The following PHACTR4 variants were observed in gnomAD, a reference collection of about 807,000 sequenced individuals.
The protein encoded by PHACTR4 is protein phosphatase 1, regulatory subunit 124.
PHACTR4 carries 51 observed loss-of-function variants against 72.7 expected under a neutral mutation model. The observed-to-expected ratio is 0.70, with a 90% CI of 0.56 to 0.89. The LOEUF is 0.89. PHACTR4 is among the 40% of genes least tolerant of loss of function. The pLI is 0.00. For synonymous variants in PHACTR4, 255 were observed against 302.5 expected (o/e 0.84, Z 1.63); for missense variants, 731 against 861.8 (o/e 0.85, Z 1.90).
Position 28,491,208 on chromosome 1 carries a change from T to TA in PHACTR4, c.1878+210dup, listed in dbSNP as rs879678760. On this transcript the variant is annotated intron_variant, in intron 11 of 13. Transcript: ENST00000373839. The stretch of plus-strand genomic sequence containing the variant: ...AAACAGTGAAACCTTGTGTCTACAT[T>TA]AAAAAAAAAAAAAAGAAGAAGAAAG... Among the ~76,000 whole-genome samples the TA allele has an allele frequency of 7.5e-3, 822 of 109,608 alleles. 4 individuals are homozygous for TA. The highest frequency in any genetic ancestry group is 0.028 in the African/African-American group (704 of 24,762). 71.9% of individuals were successfully genotyped at this position (109,608 alleles called of 152,430 possible).
intron 2 of PHACTR4, among the ~76,000 whole-genome samples, chr1:28,451,580 T>C (rs1388645640): frequency 6.6e-6 from 1 of 152,038 alleles, no homozygotes; most frequent in Non-Finnish European, 1.5e-5. Context: ...CCCAGTGTTA[T>C]TGTAGCAGTT....
At position 28,466,501 on chromosome 1, in the gene PHACTR4, G is replaced by A; in HGVS notation, c.556G>A (p.Ala186Thr). The part of the protein sequence containing the change: ...SSSHEASEGQ[A>T]KDATSSGGTA... ...TTCTCATGAAGCAAGTGAAGGGCAAGCAAAGGATGCCACTTCCTCTGGCGG... is the reference window on the plus strand; with the variant it reads ...TTCTCATGAAGCAAGTGAAGGGCAAACAAAGGATGCCACTTCCTCTGGCGG... The change falls in exon 6 of 14, where the codon GCA becomes ACA. Residue 186 changes from alanine (A) to threonine (T), a missense_variant. Coordinates refer to ENST00000373839, the MANE Select transcript of PHACTR4 (RefSeq NM_001048183.3). 1 of 1,614,114 alleles carries A rather than the reference G, an allele frequency of 6.2e-7. No homozygotes were observed. Among genetic ancestry groups the A allele is most frequent in the South Asian group, 1.1e-5 (1 of 91,080 alleles).
Position 28,498,668 on chromosome 1 carries a change from T to A in PHACTR4, c.*2119T>A, listed in dbSNP as rs1489953589. On this transcript the variant is annotated 3_prime_UTR_variant, in exon 14 of 14. Transcript: ENST00000373839. Reference sequence around the variant, plus strand: ...AAGAAGTTGTGGCTATTTCATAGATTTCTTCTGATTTATTCTGTGGGTCCC... The same window carrying A: ...AAGAAGTTGTGGCTATTTCATAGATATCTTCTGATTTATTCTGTGGGTCCC... The A allele has an allele frequency of 2.0e-5, 3 of 152,200 alleles. No individual in the cohort carries two copies. Among genetic ancestry groups the A allele is most frequent in the African/African-American group, 2.4e-5 (1 of 41,450 alleles). The allele number at this position is 152,200 out of a possible 1,614,324, so 9.4% of individuals were successfully genotyped here. A position where few individuals can be genotyped will look rare whatever the true frequency, so the allele number is the denominator to read the frequency against.
At chr1:28,422,893 T>C (rs1405088449) in intron 2 of PHACTR4, among the ~76,000 whole-genome samples, 3 of 152,138 alleles carry the variant, frequency 2.0e-5, no homozygotes, top group Admixed American at 2.0e-4. Context: ...TTCAAGCAAT[T>C]CTCCTGCCTC....
intron 1 of PHACTR4, among the ~76,000 whole-genome samples, chr1:28,374,102 T>G (rs1651462198): frequency 6.6e-6 from 1 of 152,196 alleles, no homozygotes. Context: ...TATTGAACAT[T>G]GGTCCCATTA....
chr1:28,427,074 G>C (rs917022427), intron 2 of PHACTR4, among the ~76,000 whole-genome samples: 4 of 152,158 alleles, frequency 2.6e-5, no homozygotes, highest in African/African-American at 9.7e-5. Context: ...GTGGCTAGTG[G>C]CCACAGTATT....
chr1:28,463,518 C>T (rs1203248536), intron 4 of PHACTR4, among the ~76,000 whole-genome samples: 1 of 152,102 alleles, frequency 6.6e-6, no homozygotes, highest in Non-Finnish European at 1.5e-5. Context: ...CAAAGAGCAG[C>T]CTTTGTTGAC....
intron 2 of PHACTR4, among the ~76,000 whole-genome samples, chr1:28,446,306 T>C (rs1056763207): frequency 7.2e-5 from 11 of 152,166 alleles, no homozygotes; most frequent in African/African-American, 2.7e-4. Flanking sequence ...ATTTTCTAAA[T>C]AGGCCATTAA....
chr1:28,382,563 A>G (rs1026591646), intron 1 of PHACTR4, among the ~76,000 whole-genome samples: 1 of 151,988 alleles, frequency 6.6e-6, no homozygotes, highest in African/African-American at 2.4e-5. Context: ...TCAGCCTCCC[A>G]AAGTGCTGGG....
intron 1 of PHACTR4, among the ~76,000 whole-genome samples, chr1:28,392,808 G>GT (rs1414376861): frequency 6.7e-6 from 1 of 149,904 alleles, no homozygotes; most frequent in Non-Finnish European, 1.5e-5. Flanking sequence ...TTTTTTTTTT[G>GT]TTTTTTATGA....
chr1:28,382,582 C>T (rs1035724790), intron 1 of PHACTR4, among the ~76,000 whole-genome samples: 1 of 152,096 alleles, frequency 6.6e-6, no homozygotes, highest in Non-Finnish European at 1.5e-5. Flanking sequence ...GGACTACAGG[C>T]GTGAGCCACC....
intron 1 of PHACTR4, among the ~76,000 whole-genome samples, chr1:28,403,735 A>G (rs1261577869): frequency 6.6e-6 from 1 of 151,990 alleles, no homozygotes; most frequent in Non-Finnish European, 1.5e-5. Context: ...GTCACTCTGT[A>G]ATCTCCTCCC....
intron 1 of PHACTR4, among the ~76,000 whole-genome samples, chr1:28,399,026 G>A (rs1305795487): frequency 1.3e-5 from 2 of 151,870 alleles, no homozygotes; most frequent in African/African-American, 4.8e-5. Flanking sequence ...AAAGAGGTAG[G>A]AAAGGCTGGG....
In PHACTR4 at chr1:28,406,813, G is replaced by A. The variant is rs559334105; in HGVS notation, c.-38-597G>A. 2.0e-5 allele frequency among the ~76,000 whole-genome samples: 3 copies of A among 152,190 alleles called. No individual in the cohort carries two copies. The South Asian group carries it at 6.2e-4, about 32-fold the overall frequency. The stretch of plus-strand genomic sequence containing the variant: ...TACTTAGTCAACTTTCTTTTGAAAC[G>A]TTTTTTGTTTTATTTTCATACTTGA... On this transcript the variant is annotated intron_variant, in intron 1 of 13. Coordinates refer to ENST00000373839, the MANE Select transcript of PHACTR4 (RefSeq NM_001048183.3).
At chr1:28,495,947 G>A (rs779609969) in intron 13 of PHACTR4, among the ~76,000 whole-genome samples, 1 of 151,786 alleles carries the variant, frequency 6.6e-6, no homozygotes, top group Non-Finnish European at 1.5e-5. Context: ...TATTTAAAGG[G>A]TAGACAGAGG....
intron 2 of PHACTR4, among the ~76,000 whole-genome samples, chr1:28,458,460 T>G (rs1207977999): frequency 6.6e-6 from 1 of 152,136 alleles, no homozygotes; most frequent in Non-Finnish European, 1.5e-5. Context: ...TGATTGTCTC[T>G]AAGGCACTAC....
At chr1:28,429,373 C>T (rs559685540) in intron 2 of PHACTR4, among the ~76,000 whole-genome samples, 38 of 152,190 alleles carry the variant, frequency 2.5e-4, no homozygotes, top group Non-Finnish European at 4.9e-4. Flanking sequence ...CATTTTTTCC[C>T]CACAAAAGCA....
chr1:28,409,124 C>CTTTTT, intron 2 of PHACTR4, among the ~76,000 whole-genome samples: 1 of 133,088 alleles, frequency 7.5e-6, no homozygotes, highest in Non-Finnish European at 1.6e-5. Context: ...TTCTTTCTTT[C>CTTTTT]TTTTTTTTTT....
chr1:28,483,429 TCAGAG>T (rs1557846312), intron 9 of PHACTR4, among the ~76,000 whole-genome samples: 1 of 149,872 alleles, frequency 6.7e-6, no homozygotes, highest in Non-Finnish European at 1.5e-5. Context: ...AGCCCAGTCA[TCAGAG>T]CAAAACCTTG....
Sources: gnomAD v4.1 joint callset for allele counts (sites outside exome capture counted in the v4.1 genomes callset) on GRCh38, gnomAD v4.1.1 for gene constraint, MANE v1.5 for transcripts, NCBI Gene and HGNC (gene_info 2026-07-23, HGNC 2026-07-21) for gene names.